LRCH2: variants seen among roughly 807,000 people sequenced by gnomAD.
The protein encoded by LRCH2 is leucine rich repeats and calponin homology domain containing 2.
Under a neutral mutation model 68.9 loss-of-function variants are expected in LRCH2, and 38 were observed. That is an observed-to-expected ratio of 0.55 (90% confidence interval 0.43 to 0.72). LRCH2 has a LOEUF of 0.72. LRCH2 is among the 30% of genes least tolerant of loss of function. LRCH2 has a pLI of 0.00. For missense variants in LRCH2, 528 were observed against 572.9 expected (o/e 0.92, Z 0.80); for synonymous variants, 191 against 208.1 (o/e 0.92, Z 0.71).
intron 10 of LRCH2, 57 bp downstream of exon 10, chrX:115,165,348 T>C (rs2072549869): frequency 7.2e-6 from 6 of 833,721 alleles, no homozygotes; most frequent in Non-Finnish European, 1.0e-5. Context: ...CAAGTAGGAA[T>C]ATCTAATGAA....
In LRCH2 at chrX:115,123,064, G is replaced by A. The variant is rs372927776; in HGVS notation, c.1962+16C>T. The A allele has an allele frequency of 6.4e-5, 76 of 1,189,120 alleles. No individual in the cohort carries two copies. In the African/African-American group the frequency reaches 9.3e-4, roughly 15 times the overall value. On this transcript the variant is annotated intron_variant, in intron 18 of 20. Transcript: ENST00000317135. ...CCATTTCCACAAAGCAGATCTGAAA[G>A]AGCAATCTGACTTACGTTGCGAAGT... is the stretch of plus-strand genomic sequence containing the variant.
At position 115,144,635 on chromosome X, in the gene LRCH2, T is replaced by C. The variant is rs369118222; in HGVS notation, c.1695+5192A>G. On this transcript the variant is annotated intron_variant, in intron 14 of 20. Coordinates refer to ENST00000317135, the MANE Select transcript of LRCH2 (RefSeq NM_020871.4). ...TACAAAATCAACATACAAAAGTCAG[T>C]AGGATTTCTATATGCCAACAGTGAA... Among the ~76,000 whole-genome samples the C allele has an allele frequency of 6.4e-5, 7 of 109,979 alleles. No individual in the cohort carries two copies. In the East Asian group the frequency reaches 2.0e-3, roughly 31 times the overall value.
chrX:115,161,648 T>A (rs2072520021), intron 11 of LRCH2, among the ~76,000 whole-genome samples: 1 of 111,096 alleles, frequency 9.0e-6, no homozygotes, highest in Non-Finnish European at 1.9e-5. Context: ...AAGCAGTCAA[T>A]CAAAAATATT....
At chrX:115,145,408 C>G (rs1556535691) in intron 14 of LRCH2, among the ~76,000 whole-genome samples, 1 of 111,177 alleles carries the variant, frequency 9.0e-6, no homozygotes, top group African/African-American at 3.3e-5. Flanking sequence ...TGAGCTACCC[C>G]ATAAGCGCAG....
chrX:115,126,657 T>G (rs994304989), intron 16 of LRCH2, among the ~76,000 whole-genome samples, 186 bp downstream of exon 16: 9 of 111,417 alleles, frequency 8.1e-5, no homozygotes, highest in African/African-American at 2.9e-4. Flanking sequence ...AAAAATGGCA[T>G]TCTTAGAATT....
intron 1 of LRCH2, chrX:115,189,718 C>A: frequency 8.6e-7 from 1 of 1,167,147 alleles, no homozygotes; most frequent in Non-Finnish European, 1.1e-6. Flanking sequence ...CAAGAGCAGC[C>A]GATGGGTCCC....
intron 2 of LRCH2, among the ~76,000 whole-genome samples, chrX:115,185,256 C>T (rs966249310): frequency 8.9e-6 from 1 of 111,916 alleles, no homozygotes; most frequent in African/African-American, 3.3e-5. Flanking sequence ...CATTTTGCAG[C>T]AGGTCATGTG....
At chrX:115,150,098 TTAAAA>T (rs782694280) in intron 12 of LRCH2, 28 bp from the exon 13 acceptor site, 32 of 1,002,481 alleles carry the variant, frequency 3.2e-5, no homozygotes, top group Non-Finnish European at 4.2e-5. Flanking sequence ...CCTTAATACG[TTAAAA>T]TATTTAGAAT....
intron 1 of LRCH2, among the ~76,000 whole-genome samples, chrX:115,208,231 A>G (rs2072982651): frequency 8.9e-6 from 1 of 112,251 alleles, no homozygotes; most frequent in African/African-American, 3.2e-5. Flanking sequence ...ATGATTGTAA[A>G]TATTTTTTAA....
chrX:115,163,903 C>T (rs2147386930), intron 10 of LRCH2, 120 bp from the exon 11 acceptor site: 3 of 444,491 alleles, frequency 6.7e-6, no homozygotes, highest in South Asian at 1.0e-4. Flanking sequence ...ATCCTAGGTC[C>T]TTCTTTTAAA....
chrX:115,206,671 T>C (rs1556568311), intron 1 of LRCH2, among the ~76,000 whole-genome samples: 1 of 111,545 alleles, frequency 9.0e-6, no homozygotes, highest in East Asian at 2.8e-4. Context: ...TAAATCTCTG[T>C]TCAAGACTCT....
intron 1 of LRCH2, among the ~76,000 whole-genome samples, chrX:115,208,246 A>G (rs1402923237): frequency 8.9e-6 from 1 of 112,278 alleles, no homozygotes; most frequent in Non-Finnish European, 1.9e-5. Flanking sequence ...TTTTAATTAC[A>G]TAGCTGTGTA....
At chrX:115,167,439 G>GAAA (rs782466115) in intron 6 of LRCH2, among the ~76,000 whole-genome samples, 1 of 94,813 alleles carries the variant, frequency 1.1e-5, no homozygotes, top group Non-Finnish European at 2.2e-5. Context: ...AGTGCTATGA[G>GAAA]AAAAAAAAAA....
At chrX:115,190,961 G>C in intron 1 of LRCH2, 1 of 1,158,825 alleles carries the variant, frequency 8.6e-7, no homozygotes, top group African/African-American at 1.9e-5. Context: ...TACGGAGTAG[G>C]AGGCCACTAT....
chrX:115,163,589 A>C lies in LRCH2; in HGVS notation c.1463+87T>G. ...TTAAGAGGGCACTATTGTTTACTCA[A>C]AACTTCATATACTTTGATAATCTTT... On this transcript the variant is annotated intron_variant, in intron 11 of 20. Coordinates refer to ENST00000317135, the MANE Select transcript of LRCH2 (RefSeq NM_020871.4). 4 of 668,894 alleles carry C rather than the reference A, an allele frequency of 6.0e-6. No individual in the cohort carries two copies. The South Asian group carries it at 1.0e-4, about 17-fold the overall frequency. The allele number at this position is 668,894 out of a possible 1,213,427, so 55.1% of individuals were successfully genotyped here.
chrX:115,168,804 A>T (rs1004424868), intron 6 of LRCH2, among the ~76,000 whole-genome samples: 36 of 111,157 alleles, frequency 3.2e-4, no homozygotes, highest in African/African-American at 9.1e-4. Context: ...AGTTTTTTTT[A>T]AAAAAATGAG....
At chrX:115,144,749 G>C (rs1051624907) in intron 14 of LRCH2, among the ~76,000 whole-genome samples, 1 of 111,535 alleles carries the variant, frequency 9.0e-6, no homozygotes, top group East Asian at 2.8e-4. Flanking sequence ...AGAAGTAAAA[G>C]ATCTCTACAA....
At chrX:115,115,734 G>A (rs1432069585) in intron 20 of LRCH2, among the ~76,000 whole-genome samples, 1 of 110,467 alleles carries the variant, frequency 9.1e-6, no homozygotes, top group Non-Finnish European at 1.9e-5. Flanking sequence ...CTTTTGTGCT[G>A]TAAATGATAC....
At chrX:115,138,509 G>A (rs1346928596) in intron 14 of LRCH2, among the ~76,000 whole-genome samples, 1 of 111,039 alleles carries the variant, frequency 9.0e-6, no homozygotes. Context: ...TTTGTTATGG[G>A]GTGTCAGCTA....
Sources: gnomAD v4.1 joint callset for allele counts (sites outside exome capture counted in the v4.1 genomes callset) on GRCh38, gnomAD v4.1.1 for gene constraint, MANE v1.5 for transcripts, NCBI Gene and HGNC (gene_info 2026-07-23, HGNC 2026-07-21) for gene names.